Variants in PDE4D observed in about 807,000 individuals in gnomAD.
The protein encoded by PDE4D is phosphodiesterase 4D.
PDE4D carries 24 observed loss-of-function variants against 87.4 expected under a neutral mutation model. The ratio of observed to expected loss-of-function variants is 0.27; its 90% confidence interval spans 0.20 to 0.39. The LOEUF (loss-of-function observed/expected upper bound fraction) is 0.39. Among genes scored for constraint, PDE4D ranks in the 10% least tolerant of loss-of-function variants. PDE4D has a pLI of 1.00. For synonymous variants in PDE4D, 384 were observed against 383.2 expected (o/e 1.00, Z -0.02); for missense variants, 714 against 1,041.0 (o/e 0.69, Z 4.32).
At chr5:59,443,300 A>G (rs570899838) in intron 1 of PDE4D, among the ~76,000 whole-genome samples, 27 of 152,350 alleles carry the variant, frequency 1.8e-4, no homozygotes, top group African/African-American at 5.8e-4. Flanking sequence ...TAGAATATGA[A>G]TTTGACAATC....
At chr5:59,904,500 T>C (rs530888837) in intron 3 of PDE4D, among the ~76,000 whole-genome samples, 5 of 152,284 alleles carry the variant, frequency 3.3e-5, no homozygotes, top group African/African-American at 9.6e-5. Context: ...ACCTCCAAAA[T>C]GCAATTTCTA....
At chr5:59,988,613 G>A (rs769520125) in exon 3 of PDE4D, 8 of 1,599,148 alleles carry the variant, frequency 5.0e-6, no homozygotes, top group Non-Finnish European at 6.8e-6. Context: ...AGGCGAGAGG[G>A]GGAAGCTGAA....
rs541280937 is a variant in PDE4D at position 59,445,807 on chromosome 5, T to C, written c.456-229839A>G. ...CAGGATATAATTCACTTTTGAAAAA[T>C]ATATTACTGCCATCTGCCTCACAAT... On this transcript the variant is annotated intron_variant, in intron 1 of 14. Coordinates refer to ENST00000340635, the MANE Select transcript of PDE4D (RefSeq NM_001104631.2). 1.2e-4 allele frequency among the ~76,000 whole-genome samples: 19 copies of C among 152,324 alleles called. No homozygotes were observed. The South Asian group carries it at 1.7e-3, about 13-fold the overall frequency.
At chr5:59,292,127 T>G (rs1282795336) in intron 1 of PDE4D, among the ~76,000 whole-genome samples, 1 of 152,048 alleles carries the variant, frequency 6.6e-6, no homozygotes, top group African/African-American at 2.4e-5. Flanking sequence ...TATGAAAAAG[T>G]TCTCCCACCC....
intron 1 of PDE4D, among the ~76,000 whole-genome samples, chr5:60,501,690 A>T (rs1358374317): frequency 1.3e-4 from 20 of 151,870 alleles, no homozygotes; most frequent in African/African-American, 3.9e-4. Flanking sequence ...AATGATCGCC[A>T]TTCTAACTGG....
intron 5 of PDE4D, among the ~76,000 whole-genome samples, chr5:59,047,757 G>A (rs537463534): frequency 1.4e-4 from 22 of 152,308 alleles, no homozygotes; most frequent in Non-Finnish European, 1.0e-4. Context: ...CCGGTGTCAC[G>A]GTATTTGGAG....
At chr5:60,204,926 T>C (rs1333664305) in intron 1 of PDE4D, among the ~76,000 whole-genome samples, 1 of 152,216 alleles carries the variant, frequency 6.6e-6, no homozygotes, top group Non-Finnish European at 1.5e-5. Flanking sequence ...AGAGTTAAAA[T>C]GTGTGAAGGA....
chr5:59,508,973 G>T (rs1809785690), intron 1 of PDE4D, among the ~76,000 whole-genome samples: 1 of 151,836 alleles, frequency 6.6e-6, no homozygotes, highest in Non-Finnish European at 1.5e-5. Flanking sequence ...TACTAGGGTT[G>T]GGATAGATTA....
intron 5 of PDE4D, among the ~76,000 whole-genome samples, chr5:59,171,039 G>C (rs1029998920): frequency 4.6e-4 from 69 of 150,460 alleles, no homozygotes; most frequent in African/African-American, 1.4e-3. Context: ...GTGCCACCAC[G>C]CCTGGCTAAT....
At chr5:59,375,136 A>C (rs1432577896) in intron 1 of PDE4D, among the ~76,000 whole-genome samples, 1 of 152,226 alleles carries the variant, frequency 6.6e-6, no homozygotes, top group African/African-American at 2.4e-5. Context: ...TAGAGAACCA[A>C]GAGCAAATAA....
chr5:59,191,866 C>T (rs1189632514), intron 3 of PDE4D, among the ~76,000 whole-genome samples: 1 of 152,080 alleles, frequency 6.6e-6, no homozygotes, highest in Admixed American at 6.6e-5. Context: ...CCACCGCACC[C>T]GGCCATAAGT....
chr5:59,669,001 T>C (rs1012808402), intron 1 of PDE4D, among the ~76,000 whole-genome samples: 6 of 152,074 alleles, frequency 3.9e-5, no homozygotes, highest in African/African-American at 1.4e-4. Context: ...TACATGCATA[T>C]TTGGAGGACA....
intron 1 of PDE4D, among the ~76,000 whole-genome samples, chr5:59,340,544 A>G (rs986615757): frequency 6.6e-6 from 1 of 152,202 alleles, no homozygotes; most frequent in African/African-American, 2.4e-5. Context: ...CAATCCAATT[A>G]TACTCTTTAA....
chr5:59,722,289 G>C (rs1248296539), intron 1 of PDE4D, among the ~76,000 whole-genome samples: 1 of 152,186 alleles, frequency 6.6e-6, no homozygotes, highest in African/African-American at 2.4e-5. Flanking sequence ...TAATGAGTGA[G>C]AAATGTGCAA....
intron 3 of PDE4D, among the ~76,000 whole-genome samples, chr5:59,934,945 G>C (rs1365947947): frequency 6.6e-6 from 1 of 152,116 alleles, no homozygotes; most frequent in African/African-American, 2.4e-5. Context: ...TTCAATGTCA[G>C]AATAAAGAGT....
intron 1 of PDE4D, among the ~76,000 whole-genome samples, chr5:59,608,222 G>A (rs565483413): frequency 2.6e-5 from 4 of 152,210 alleles, no homozygotes; most frequent in African/African-American, 9.6e-5. Context: ...AGAGAGTGCT[G>A]ACAAGGATGG....
chr5:59,009,069 A>C (rs1472659580), intron 6 of PDE4D, among the ~76,000 whole-genome samples: 1 of 152,138 alleles, frequency 6.6e-6, no homozygotes, highest in East Asian at 1.9e-4. Context: ...AAATACAAAC[A>C]ATACAAAATG....
chr5:59,016,324 A>G (rs1371844861), intron 6 of PDE4D, among the ~76,000 whole-genome samples: 1 of 150,122 alleles, frequency 6.7e-6, no homozygotes, highest in Non-Finnish European at 1.5e-5. Flanking sequence ...TTCTTTTTGA[A>G]TCCTTTTGCC....
chr5:59,521,761 C>T (rs1812286855), intron 1 of PDE4D, among the ~76,000 whole-genome samples: 1 of 152,128 alleles, frequency 6.6e-6, no homozygotes, highest in African/African-American at 2.4e-5. Context: ...AGTTTATGTC[C>T]TCTTCTTATT....
Sources: allele counts gnomAD v4.1 joint callset (sites outside exome capture counted in the v4.1 genomes callset), GRCh38; gene constraint gnomAD v4.1.1; transcripts MANE v1.5; gene names NCBI Gene and HGNC (gene_info 2026-07-23, HGNC 2026-07-21).